Variants in ADAMTS9 observed in about 807,000 individuals in gnomAD.
ADAMTS9 encodes the protein ADAM metallopeptidase with thrombospondin type 1 motif 9.
In ADAMTS9, 107 loss-of-function variants were observed where a neutral mutation model predicts 257.1. That is an observed-to-expected ratio of 0.42 (90% CI 0.36 to 0.49). The LOEUF (loss-of-function observed/expected upper bound fraction) is 0.49. Among genes scored for constraint, ADAMTS9 ranks in the 20% least tolerant of loss-of-function variants. The pLI, the probability that ADAMTS9 is intolerant of heterozygous loss-of-function variation, is 0.03. For missense variants in ADAMTS9, 2,353 were observed against 2,469.1 expected, an observed-to-expected ratio of 0.95 and a Z score of 1.00; for synonymous variants, 982 against 880.9, an observed-to-expected ratio of 1.11 and a Z score of -2.03.
In ADAMTS9 at chr3:64,541,116, G is replaced by C. The variant is rs1404556541; in HGVS notation, c.5500C>G (p.Leu1834Val). The C allele has an allele frequency of 6.2e-7, 1 of 1,614,074 alleles. No homozygotes were observed. The highest frequency in any genetic ancestry group is 1.7e-5 in the Admixed American group (1 of 60,028). ...FSSFQKIRID[L>V]TSMQIITTDL... is the part of the protein sequence containing the mutation. The stretch of plus-strand genomic sequence containing the variant: ...TTACTGATTATCTGCATGCTGGTCA[G>C]GTCTATTCTGATTTTCTGAAAACTG... Residue 1834 changes from leucine (L) to valine (V), a missense_variant, in exon 36 of 40, where the codon CTG (leucine) becomes GTG (valine). Transcript: ENST00000498707.
In ADAMTS9 at chr3:64,591,439, CA is replaced by C. The variant is rs1165135280; in HGVS notation, c.4356+2818del. Among the ~76,000 whole-genome samples, 102 of 138,298 alleles carry C rather than the reference CA, an allele frequency of 7.4e-4. 1 individual carries two copies. Among genetic ancestry groups the C allele is most frequent in the East Asian group, 6.1e-3 (29 of 4,778 alleles). 90.7% of individuals were successfully genotyped at this position (138,298 alleles called of 152,430 possible). The stretch of plus-strand genomic sequence containing the variant: ...TGGGCAACAGAGCAACACTCTGTCT[CA>C]AAAAAAAAAAGGAACCTTATTTCAA... On this transcript the variant is annotated intron_variant, in intron 28 of 39. Coordinates refer to ENST00000498707, the MANE Select transcript of ADAMTS9 (RefSeq NM_182920.2).
At chr3:64,582,448 T>G (rs1490266587) in intron 28 of ADAMTS9, 1 of 152,210 alleles carries the variant, frequency 6.6e-6, no homozygotes. Flanking sequence ...CTTCTCTGAC[T>G]TAACAAATAG....
Position 64,648,043 on chromosome 3 carries a change from A to T in ADAMTS9, c.1607T>A (p.Met536Lys), listed in dbSNP as rs770669475. 6.2e-7 allele frequency: 1 copy of T among 1,609,068 alleles called. No individual in the cohort carries two copies. Among genetic ancestry groups the T allele is most frequent in the South Asian group, 1.1e-5 (1 of 90,456 alleles). ...GPGSQVCPYMMQCRRLWCNNV... is the reference protein window; with the variant it reads ...GPGSQVCPYMKQCRRLWCNNV... Reference sequence around the variant, plus strand: ...ATTGCACCAGAGCCGTCTGCACTGCATCTGCTCAATTCAATGAAATGGCAA... The same window carrying T: ...ATTGCACCAGAGCCGTCTGCACTGCTTCTGCTCAATTCAATGAAATGGCAA... Residue 536 changes from methionine (M) to lysine (K), a missense_variant and splice_region_variant, in exon 11 of 40, where the codon ATG (methionine) becomes AAG (lysine). Coordinates refer to ENST00000498707, the MANE Select transcript of ADAMTS9 (RefSeq NM_182920.2).
At chr3:64,642,370 C>T (rs937961257) in intron 11 of ADAMTS9, among the ~76,000 whole-genome samples, 2 of 152,106 alleles carry the variant, frequency 1.3e-5, no homozygotes, top group African/African-American at 4.8e-5. Context: ...TTTCCATCAA[C>T]AAGGCCTAGA....
At chr3:64,648,810 T>C (rs1700860639) in intron 10 of ADAMTS9, among the ~76,000 whole-genome samples, 1 of 152,210 alleles carries the variant, frequency 6.6e-6, no homozygotes, top group African/African-American at 2.4e-5. Context: ...GGAGACCCTA[T>C]AATTTGTTTA....
intron 30 of ADAMTS9, among the ~76,000 whole-genome samples, chr3:64,553,863 G>C (rs1199356717): frequency 2.0e-5 from 3 of 152,092 alleles, no homozygotes; most frequent in Non-Finnish European, 2.9e-5. Context: ...CCCTAGCTCA[G>C]TGGTTTTGGG....
intron 38 of ADAMTS9, among the ~76,000 whole-genome samples, chr3:64,532,517 AGT>A (rs2082995309): frequency 6.6e-6 from 1 of 152,158 alleles, no homozygotes; most frequent in Non-Finnish European, 1.5e-5. Flanking sequence ...TGCACAGCAC[AGT>A]GTTTCTCAAG....
chr3:64,540,775 C>A (rs1336651653), intron 36 of ADAMTS9, among the ~76,000 whole-genome samples: 1 of 152,152 alleles, frequency 6.6e-6, no homozygotes, highest in Admixed American at 6.5e-5. Context: ...TTCAATGGTG[C>A]TTCTTTCATG....
chr3:64,670,088 A>G (rs1022846656), intron 3 of ADAMTS9, among the ~76,000 whole-genome samples: 1 of 151,694 alleles, frequency 6.6e-6, no homozygotes, highest in African/African-American at 2.4e-5. Flanking sequence ...GGTCATAAGG[A>G]CTGAATCTCA....
chr3:64,614,864 T>C (rs569799869), intron 21 of ADAMTS9: 2 of 152,718 alleles, frequency 1.3e-5, no homozygotes, highest in Non-Finnish European at 2.9e-5. Flanking sequence ...CGAGTTTTAT[T>C]TTTTTTTCTT....
At position 64,642,760 on chromosome 3, in the gene ADAMTS9, G is replaced by A. The variant is rs142085113; in HGVS notation, c.1711-767C>T. ...TGGACAAAGGAAAAGTGGCGGCAGT[G>A]GCCACAGGAGGGTGACGCCCCGCGG... On this transcript the variant is annotated intron_variant, in intron 11 of 39. Coordinates refer to ENST00000498707, the MANE Select transcript of ADAMTS9 (RefSeq NM_182920.2). Among the ~76,000 whole-genome samples, 1,219 of 152,328 alleles carry A rather than the reference G, an allele frequency of 8.0e-3. 16 individuals are homozygous for A. Among genetic ancestry groups the A allele is most frequent in the African/African-American group, 0.028 (1,161 of 41,564 alleles).
At chr3:64,563,273 A>T (rs1408418830) in intron 29 of ADAMTS9, 1 of 152,182 alleles carries the variant, frequency 6.6e-6, no homozygotes, top group Non-Finnish European at 1.5e-5. Context: ...TTACCCCATA[A>T]ATGATGGACA....
chr3:64,655,467 G>A (rs149138227), intron 6 of ADAMTS9, 109 bp downstream of exon 6: 20 of 880,362 alleles, frequency 2.3e-5, no homozygotes, highest in Non-Finnish European at 3.3e-5. Flanking sequence ...TGTCAACAGT[G>A]CCTAAGCTGA....
At chr3:64,611,403 T>C (rs1279066844) in intron 22 of ADAMTS9, among the ~76,000 whole-genome samples, 1 of 152,202 alleles carries the variant, frequency 6.6e-6, no homozygotes, top group Non-Finnish European at 1.5e-5. Flanking sequence ...AATTGCATGA[T>C]TCCATTTCTA....
intron 12 of ADAMTS9, among the ~76,000 whole-genome samples, chr3:64,640,783 T>C (rs1470284221): frequency 6.6e-6 from 1 of 152,228 alleles, no homozygotes; most frequent in Non-Finnish European, 1.5e-5. Flanking sequence ...TTGGATGTCA[T>C]TTTTTATAAT....
chr3:64,667,427 T>C (rs1701375812), intron 3 of ADAMTS9, among the ~76,000 whole-genome samples: 1 of 152,162 alleles, frequency 6.6e-6, no homozygotes, highest in Non-Finnish European at 1.5e-5. Flanking sequence ...ACTAGAACTA[T>C]AACAAGACGC....
chr3:64,677,657 A>G (rs1312983255), intron 3 of ADAMTS9, among the ~76,000 whole-genome samples: 1 of 152,168 alleles, frequency 6.6e-6, no homozygotes, highest in African/African-American at 2.4e-5. Flanking sequence ...ATTGTCTACC[A>G]CATGCTAAAT....
intron 18 of ADAMTS9, 111 bp downstream of exon 18, chr3:64,622,087 G>A (rs1025968105): frequency 3.3e-5 from 37 of 1,133,112 alleles, no homozygotes; most frequent in Admixed American, 2.0e-4. Flanking sequence ...ATTAGAGAAC[G>A]TATGCAGATA....
At chr3:64,600,392 T>C (rs1210217681) in intron 26 of ADAMTS9, among the ~76,000 whole-genome samples, 2 of 152,036 alleles carry the variant, frequency 1.3e-5, no homozygotes, top group Non-Finnish European at 2.9e-5. Flanking sequence ...ACAGGCACAA[T>C]GAGGAAAAGA....
Sources: allele counts gnomAD v4.1 joint callset (sites outside exome capture counted in the v4.1 genomes callset), GRCh38; gene constraint gnomAD v4.1.1; transcripts MANE v1.5; gene names NCBI Gene and HGNC (gene_info 2026-07-23, HGNC 2026-07-21).